ADAM18: variants seen among roughly 807,000 people sequenced by gnomAD.
The protein encoded by ADAM18 is disintegrin and metalloproteinase domain-containing protein 18.
Under a neutral mutation model 94.4 loss-of-function variants are expected in ADAM18, and 117 were observed. The ratio of observed to expected loss-of-function variants is 1.24; its 90% confidence interval spans 1.07 to 1.45. The LOEUF is 1.45. ADAM18 is among the 40% of genes most tolerant of loss of function. The pLI is 0.00. For missense variants in ADAM18, 936 were observed against 880.0 expected, an observed-to-expected ratio of 1.06 and a Z score of -0.81; for synonymous variants, 327 against 291.6, an observed-to-expected ratio of 1.12 and a Z score of -1.24.
intron 7 of ADAM18, among the ~76,000 whole-genome samples, chr8:39,632,071 G>A (rs2129579153): frequency 6.6e-6 from 1 of 151,250 alleles, no homozygotes; most frequent in South Asian, 2.1e-4. Context: ...ATTTTTTAAT[G>A]TTCTATGTAC....
chr8:39,682,041 C>T (rs990595455), intron 16 of ADAM18, among the ~76,000 whole-genome samples: 1 of 151,998 alleles, frequency 6.6e-6, no homozygotes, highest in Non-Finnish European at 1.5e-5. Context: ...AAAACATGGT[C>T]AAGAGTGAGA....
chr8:39,689,587 G>A (rs1016072817), intron 16 of ADAM18, among the ~76,000 whole-genome samples: 1 of 152,128 alleles, frequency 6.6e-6, no homozygotes, highest in African/African-American at 2.4e-5. Flanking sequence ...TGCTGTTTTG[G>A]TTACTGTAGC....
chr8:39,591,504 C>A (rs375960691), intron 2 of ADAM18, among the ~76,000 whole-genome samples: 8 of 152,102 alleles, frequency 5.3e-5, no homozygotes, highest in African/African-American at 1.9e-4. Flanking sequence ...TTTGCTCACC[C>A]GTGAGAAGTA....
intron 2 of ADAM18, among the ~76,000 whole-genome samples, chr8:39,599,021 G>A: frequency 6.6e-6 from 1 of 152,006 alleles, no homozygotes; most frequent in East Asian, 2.0e-4. Flanking sequence ...ATGTTGGCCA[G>A]GCTGGTCTCA....
chr8:39,642,274 T>A lies in ADAM18; in HGVS notation c.910-3064T>A, dbSNP rs761009389. On this transcript the variant is annotated intron_variant, in intron 10 of 19. Transcript: ENST00000265707. Reference sequence around the variant, plus strand: ...AGCTCTTTAGTTTAATTAGATCCTATTTGTCAATTTTTGGTTTTGTTGCAA... The same window carrying A: ...AGCTCTTTAGTTTAATTAGATCCTAATTGTCAATTTTTGGTTTTGTTGCAA... 1.0e-3 allele frequency among the ~76,000 whole-genome samples: 157 copies of A among 152,212 alleles called. 2 individuals carry two copies. The highest frequency in any genetic ancestry group is 1.0e-4 in the Non-Finnish European group (7 of 68,000).
At chr8:39,667,401 CAAA>C (rs377507911) in intron 13 of ADAM18, among the ~76,000 whole-genome samples, 4 of 54,014 alleles carry the variant, frequency 7.4e-5, no homozygotes. Flanking sequence ...AACTCCATCT[CAAA>C]AAAAAAAAAA....
chr8:39,678,440 C>T (rs1415778512), intron 15 of ADAM18, among the ~76,000 whole-genome samples: 1 of 152,152 alleles, frequency 6.6e-6, no homozygotes, highest in African/African-American at 2.4e-5. Context: ...GAACTTCCCA[C>T]TTGCCCCAAC....
At chr8:39,671,908 T>C (rs943618499) in intron 14 of ADAM18, among the ~76,000 whole-genome samples, 6 of 152,022 alleles carry the variant, frequency 3.9e-5, no homozygotes, top group Non-Finnish European at 7.4e-5. Context: ...AGGGACTGAG[T>C]TCTGAGAACC....
At position 39,609,531 on chromosome 8, in the gene ADAM18, T is replaced by A. The variant is rs201513171; in HGVS notation, c.314T>A (p.Phe105Tyr). Residue 105 changes from phenylalanine (F) to tyrosine (Y), a missense_variant, in exon 5 of 20, where the codon TTT (phenylalanine) becomes TAT (tyrosine). Phe to Tyr is a conservative substitution (Grantham distance 22). Coordinates refer to ENST00000265707, the MANE Select transcript of ADAM18 (RefSeq NM_014237.3). The part of the protein sequence containing the change: ...QGYAAEFPNS[F>Y]VTLSICSGLR... ...TATGCTGCCGAATTTCCAAATTCAT[T>A]TGTGACACTCAGTATATGTTCTGGT... 6.2e-7 allele frequency: 1 copy of A among 1,611,350 alleles called. No individual in the cohort carries two copies. Among genetic ancestry groups the A allele is most frequent in the East Asian group, 2.2e-5 (1 of 44,776 alleles).
rs539479916 is a variant in ADAM18, at chr8:39,697,617, C to T, written c.1902+4937C>T. Among the ~76,000 whole-genome samples the T allele has an allele frequency of 3.3e-5, 5 of 151,738 alleles. No individual in the cohort carries two copies. In the East Asian group the frequency reaches 9.6e-4, roughly 29 times the overall value. On this transcript the variant is annotated intron_variant, in intron 17 of 19. Transcript: ENST00000265707. ...ATTCTTGCTTAATCATATATTTACTCTTTCTATTTCTTGCATTCCTTTCTA... is the reference window on the plus strand; with the variant it reads ...ATTCTTGCTTAATCATATATTTACTTTTTCTATTTCTTGCATTCCTTTCTA...
chr8:39,627,392 A>G (rs985218090), intron 6 of ADAM18, among the ~76,000 whole-genome samples: 4 of 152,128 alleles, frequency 2.6e-5, no homozygotes, highest in African/African-American at 7.2e-5. Flanking sequence ...CCCATGATTC[A>G]ATTATCTCCA....
At chr8:39,709,822 A>G (rs1430842453) in intron 18 of ADAM18, among the ~76,000 whole-genome samples, 1 of 152,206 alleles carries the variant, frequency 6.6e-6, no homozygotes, top group Non-Finnish European at 1.5e-5. Flanking sequence ...CATAATATCA[A>G]TTTTTGTGAA....
intron 16 of ADAM18, among the ~76,000 whole-genome samples, chr8:39,681,377 A>G (rs1264693090): frequency 6.6e-6 from 1 of 152,214 alleles, no homozygotes; most frequent in Non-Finnish European, 1.5e-5. Context: ...GTGAGACTAC[A>G]GTCCCAGATA....
chr8:39,710,364 A>C (rs984548333), intron 18 of ADAM18, among the ~76,000 whole-genome samples: 1 of 152,318 alleles, frequency 6.6e-6, no homozygotes, highest in East Asian at 1.9e-4. Context: ...GTATATACTT[A>C]AAGGGTAATT....
chr8:39,610,687 A>G lies in ADAM18; in HGVS notation c.503A>G (p.Lys168Arg). 6.2e-7 allele frequency: 1 copy of G among 1,613,094 alleles called. No individual in the cohort carries two copies. The highest frequency in any genetic ancestry group is 8.5e-7 in the Non-Finnish European group (1 of 1,179,466). The change falls in exon 6 of 20, where the codon AAA becomes AGA. Residue 168 changes from lysine to arginine, a missense_variant. Physicochemically the swap from Lys to Arg is conservative, Grantham distance 26 (BLOSUM62 2). Coordinates refer to ENST00000265707, the MANE Select transcript of ADAM18 (RefSeq NM_014237.3). ...SHIWQKDQPY[K>R]VPLNSQIKNL... ...ATTTGGCAGAAAGACCAGCCCTACA[A>G]AGTTCCTTTAAACTCACAGGTGACT... is the stretch of plus-strand genomic sequence containing the variant.
intron 7 of ADAM18, among the ~76,000 whole-genome samples, chr8:39,632,460 G>C (rs1819955715): frequency 6.6e-6 from 1 of 151,980 alleles, no homozygotes; most frequent in Non-Finnish European, 1.5e-5. Flanking sequence ...TGCTCTTACA[G>C]AGATAATCAA....
Position 39,680,063 on chromosome 8 carries a change from G to A in ADAM18, c.1658G>A (p.Cys553Tyr). ...RKDVLCGKLA[C>Y]VQPHKNANKS... The stretch of plus-strand genomic sequence containing the variant: ...GATGTTCTCTGTGGAAAATTAGCTT[G>A]TGTTCAGCCACATAAAAATGCTAAT... Residue 553 changes from cysteine (C) to tyrosine (Y), a missense_variant, in exon 16 of 20, where the codon TGT (cysteine) becomes TAT (tyrosine). By Grantham distance (194) the Cys-to-Tyr change is radical (BLOSUM62 -2). Coordinates refer to ENST00000265707, the MANE Select transcript of ADAM18 (RefSeq NM_014237.3). 6.2e-7 allele frequency: 1 copy of A among 1,613,564 alleles called. No individual in the cohort carries two copies. The highest frequency in any genetic ancestry group is 8.5e-7 in the Non-Finnish European group (1 of 1,179,788).
intron 17 of ADAM18, among the ~76,000 whole-genome samples, chr8:39,700,696 A>G (rs1024504387): frequency 6.6e-5 from 10 of 152,128 alleles, no homozygotes; most frequent in Non-Finnish European, 2.9e-5. Context: ...TTTTGTTTCT[A>G]TGATATTAAC....
At chr8:39,607,776 A>T (rs1585892010) in intron 3 of ADAM18, among the ~76,000 whole-genome samples, 2 of 146,560 alleles carry the variant, frequency 1.4e-5, no homozygotes, top group South Asian at 2.2e-4. Context: ...CATCTCTCGA[A>T]TCTTAGAGTA....
Sources: gnomAD v4.1 joint callset for allele counts (sites outside exome capture counted in the v4.1 genomes callset) on GRCh38, gnomAD v4.1.1 for gene constraint, MANE v1.5 for transcripts, NCBI Gene and HGNC (gene_info 2026-07-23, HGNC 2026-07-21) for gene names.